The following ATP1A4 variants were observed in gnomAD, a reference collection of about 807,000 sequenced individuals.
ATP1A4 encodes the protein ATPase Na+/K+ transporting subunit alpha 4.
A neutral mutation model predicts 114.3 loss-of-function variants in ATP1A4; 90 were observed. That is an observed-to-expected ratio of 0.79 (90% confidence interval 0.66 to 0.94). The LOEUF is 0.94. ATP1A4 is among the 40% of genes least tolerant of loss of function. The pLI, the probability that ATP1A4 is intolerant of heterozygous loss-of-function variation, is 0.00. For missense variants in ATP1A4, 1,222 were observed against 1,313.6 expected (o/e 0.93, Z 1.08); for synonymous variants, 511 against 494.1 (o/e 1.03, Z -0.45).
At chr1:160,172,176 A>C (rs1653287236) in intron 12 of ATP1A4, among the ~76,000 whole-genome samples, 1 of 152,200 alleles carries the variant, frequency 6.6e-6, no homozygotes, top group Non-Finnish European at 1.5e-5. Context: ...CAGAAGGTCC[A>C]TGGAAACCTG....
chr1:160,168,614 C>T (rs1653127615), intron 10 of ATP1A4, among the ~76,000 whole-genome samples: 1 of 152,086 alleles, frequency 6.6e-6, no homozygotes, highest in African/African-American at 2.4e-5. Context: ...GAACTCCTGA[C>T]CTCAGGTGAT....
intron 20 of ATP1A4, 122 bp downstream of exon 20, chr1:160,182,153 ACAC>A: frequency 9.1e-6 from 7 of 765,670 alleles, no homozygotes; most frequent in Non-Finnish European, 1.6e-5. Flanking sequence ...AGCTACATGT[ACAC>A]TCAGTGATAC....
At chr1:160,178,333 C>T (rs1237646490) in intron 18 of ATP1A4, among the ~76,000 whole-genome samples, 1 of 150,034 alleles carries the variant, frequency 6.7e-6, no homozygotes, top group Non-Finnish European at 1.5e-5. Context: ...GCAGCCTGGG[C>T]AACAAGAGTA....
intron 2 of ATP1A4, 148 bp downstream of exon 2, chr1:160,153,372 A>G: frequency 1.5e-6 from 1 of 651,730 alleles, no homozygotes; most frequent in South Asian, 1.8e-5. Flanking sequence ...TTCCATGGAC[A>G]CTACCTGGAA....
Position 160,152,014 on chromosome 1 carries a change from C to T in ATP1A4, c.-27C>T, listed in dbSNP as rs751779437. ...TCTCAGCTTTCTTCCCACAGTTGAG[C>T]TCGGGCAGCTCTTTCTGGGGATAGC... On this transcript the variant is annotated 5_prime_UTR_variant, in exon 1 of 22. Coordinates refer to ENST00000368081, the MANE Select transcript of ATP1A4 (RefSeq NM_144699.4). 3 of 1,601,692 alleles carry T rather than the reference C, an allele frequency of 1.9e-6. No homozygotes were observed. The African/African-American group carries it at 4.0e-5, about 22-fold the overall frequency.
rs749011760 is a variant in ATP1A4, at chr1:160,151,985, A to G, written c.-56A>G. The G allele has an allele frequency of 5.5e-5, 86 of 1,567,004 alleles. No homozygotes were observed. The highest frequency in any genetic ancestry group is 6.9e-5 in the Non-Finnish European group (80 of 1,157,970). Reference sequence around the variant, plus strand: ...CGCCCTCTTCCCTTCCCCTTGCCTCACTCTCTCAGCTTTCTTCCCACAGTT... The same window carrying G: ...CGCCCTCTTCCCTTCCCCTTGCCTCGCTCTCTCAGCTTTCTTCCCACAGTT... On this transcript the variant is annotated 5_prime_UTR_variant, in exon 1 of 22. Transcript: ENST00000368081.
intron 20 of ATP1A4, chr1:160,183,452 G>A (rs571880832): frequency 1.3e-5 from 2 of 152,220 alleles, no homozygotes; most frequent in East Asian, 3.9e-4. Context: ...TGTATTCTGT[G>A]TGTGTGTGTG....
rs958212497 is a variant in ATP1A4 at position 160,158,987 on chromosome 1, A to G, written c.526-15A>G. ...CCAAAAGTTTTGGAAATGATCCTGC[A>G]CTATCCTCTCATAGCAAGCTCTGGT... On this transcript the variant is annotated splice_polypyrimidine_tract_variant and intron_variant, in intron 4 of 21. Coordinates refer to ENST00000368081, the MANE Select transcript of ATP1A4 (RefSeq NM_144699.4). The G allele has an allele frequency of 6.2e-7, 1 of 1,612,758 alleles. No homozygotes were observed. The highest frequency in any genetic ancestry group is 8.5e-7 in the Non-Finnish European group (1 of 1,179,228).
intron 1 of ATP1A4, 137 bp from the exon 2 acceptor site, chr1:160,153,028 C>G: frequency 1.5e-6 from 1 of 666,400 alleles, no homozygotes; most frequent in Non-Finnish European, 2.6e-6. Context: ...GACTCCATCT[C>G]AAAAAAAGAA....
In ATP1A4 at chr1:160,181,667, C is replaced by T. The variant is rs772689010; in HGVS notation, c.2737-17C>T. 1 of 1,613,818 alleles carries T rather than the reference C, an allele frequency of 6.2e-7. No individual in the cohort carries two copies. The highest frequency in any genetic ancestry group is 1.7e-5 in the Admixed American group (1 of 60,002). On this transcript the variant is annotated splice_polypyrimidine_tract_variant and intron_variant, in intron 18 of 21. Coordinates refer to ENST00000368081, the MANE Select transcript of ATP1A4 (RefSeq NM_144699.4). ...ATCCCCTTCTGACACTGTTTCCTCT[C>T]TCCCTGCTGTCTCTAGACCTATGAG...
At chr1:160,166,493 C>T in intron 7 of ATP1A4, 35 bp from the exon 8 acceptor site, 1 of 1,610,888 alleles carries the variant, frequency 6.2e-7, no homozygotes, top group African/African-American at 1.3e-5. Flanking sequence ...TATTCCATCT[C>T]CCATGTGTAT....
intron 6 of ATP1A4, 143 bp downstream of exon 6, chr1:160,159,669 G>A: frequency 1.5e-6 from 1 of 669,390 alleles, no homozygotes; most frequent in Non-Finnish European, 2.6e-6. Context: ...ATGACCTCTG[G>A]TGAAAGGTCA....
intron 10 of ATP1A4, 137 bp downstream of exon 10, chr1:160,167,549 G>C (rs570857023): frequency 3.3e-6 from 4 of 1,195,660 alleles, no homozygotes; most frequent in Non-Finnish European, 3.6e-6. Context: ...CCAATTAACG[G>C]AAGACTCACA....
intron 4 of ATP1A4, 62 bp downstream of exon 4, chr1:160,156,220 A>G: frequency 1.7e-6 from 2 of 1,179,838 alleles, no homozygotes; most frequent in Non-Finnish European, 2.5e-6. Flanking sequence ...ATACACAATG[A>G]TGAAGTCCCG....
At chr1:160,178,414 C>T (rs1435844328) in intron 18 of ATP1A4, among the ~76,000 whole-genome samples, 4 of 151,990 alleles carry the variant, frequency 2.6e-5, no homozygotes, top group Admixed American at 1.3e-4. Context: ...CAGTGACTCA[C>T]GCCTGTAATC....
chr1:160,159,883 T>C (rs1188409126), intron 6 of ATP1A4, among the ~76,000 whole-genome samples: 2 of 152,226 alleles, frequency 1.3e-5, no homozygotes, highest in African/African-American at 4.8e-5. Flanking sequence ...AGGAAAATTG[T>C]TCAGCCCTGC....
chr1:160,174,044 T>C, intron 13 of ATP1A4, 67 bp from the exon 14 acceptor site: 1 of 1,555,304 alleles, frequency 6.4e-7, no homozygotes, highest in Non-Finnish European at 8.8e-7. Context: ...ATAGTCAAGA[T>C]GGGCACCAAG....
At chr1:160,166,388 G>A in intron 7 of ATP1A4, 140 bp from the exon 8 acceptor site, 1 of 1,101,252 alleles carries the variant, frequency 9.1e-7, no homozygotes, top group Non-Finnish European at 1.3e-6. Flanking sequence ...GAAATGAAAT[G>A]TGTAAAGAGT....
At position 160,176,122 on chromosome 1, in the gene ATP1A4, C is replaced by T; in HGVS notation, c.2342C>T (p.Ser781Phe). ...CTGATCTTTGACAACCTGAAGAAAT[C>T]CATCATGTACACCCTGACCAGCAAC... ...GRLIFDNLKK[S>F]IMYTLTSNIP... The change falls in exon 16 of 22, where the codon TCC (serine) becomes TTC (phenylalanine). Residue 781 changes from serine to phenylalanine, a missense_variant. Physicochemically the swap from Ser to Phe is radical, Grantham distance 155. Transcript: ENST00000368081. The T allele has an allele frequency of 6.2e-7, 1 of 1,614,150 alleles. No individual in the cohort carries two copies. Among genetic ancestry groups the T allele is most frequent in the Non-Finnish European group, 8.5e-7 (1 of 1,180,016 alleles).
Sources: allele counts gnomAD v4.1 joint callset (sites outside exome capture counted in the v4.1 genomes callset), GRCh38; gene constraint gnomAD v4.1.1; transcripts MANE v1.5; gene names NCBI Gene and HGNC (gene_info 2026-07-23, HGNC 2026-07-21).